C12orf42: variants seen among roughly 807,000 people sequenced by gnomAD.
C12orf42 encodes the protein chromosome 12 open reading frame 42.
C12orf42 carries 25 observed loss-of-function variants against 21.6 expected under a neutral mutation model. The ratio of observed to expected loss-of-function variants is 1.16; its 90% CI spans 0.84 to 1.62. The LOEUF (loss-of-function observed/expected upper bound fraction) is 1.62. Ranked by LOEUF, C12orf42 falls within the 40% of genes most tolerant of loss-of-function variation. The probability of loss-of-function intolerance (pLI) is 0.00; values close to 1 mark genes in which losing one functional copy is unlikely to be tolerated. For missense variants in C12orf42, 483 were observed against 459.3 expected (o/e 1.05, Z -0.47); for synonymous variants, 174 against 175.0 (o/e 0.99, Z 0.05).
chr12:103,167,880 G>A, the C12orf42 span, among the ~76,000 whole-genome samples: 10 of 43,880 alleles, frequency 2.3e-4, no homozygotes, highest in East Asian at 2.3e-3. Context: ...AGGGGTGGGC[G>A]TGTGTGTGTG....
At chr12:103,212,039 CTTA>C in the C12orf42 span, among the ~76,000 whole-genome samples, 1 of 152,162 alleles carries the variant, frequency 6.6e-6, no homozygotes, top group Middle Eastern at 3.4e-3. Flanking sequence ...AGTTGTAGCT[CTTA>C]TAATATTTGA....
chr12:103,225,035 A>G, the C12orf42 span, among the ~76,000 whole-genome samples: 3 of 152,180 alleles, frequency 2.0e-5, no homozygotes, highest in Admixed American at 1.3e-4. Flanking sequence ...GGGGCTGTCT[A>G]TGAAGCCTTG....
chr12:103,495,769 C>T (rs924120326), intron 1 of C12orf42, 133 bp downstream of exon 1: 2 of 152,498 alleles, frequency 1.3e-5, no homozygotes, highest in Non-Finnish European at 2.9e-5. Context: ...CCGCTTGCCT[C>T]CGCTCCTTGG....
intron 5 of C12orf42, among the ~76,000 whole-genome samples, chr12:103,305,056 G>T (rs978147404): frequency 7.2e-5 from 11 of 152,048 alleles, no homozygotes; most frequent in African/African-American, 2.7e-4. Context: ...GTCTTGTTTT[G>T]GGCCATAAAT....
chr12:103,287,822 CAG>C (rs951166260), intron 4 of C12orf42, among the ~76,000 whole-genome samples: 2 of 151,430 alleles, frequency 1.3e-5, no homozygotes, highest in Admixed American at 1.3e-4. Context: ...GAGAGAGAGA[CAG>C]AGAGAGAAAG....
chr12:103,116,087 C>T, the C12orf42 span, among the ~76,000 whole-genome samples: 3 of 152,044 alleles, frequency 2.0e-5, no homozygotes, highest in Non-Finnish European at 4.4e-5. Flanking sequence ...TGGGGCCGGG[C>T]GCAGTGGCTC....
chr12:103,264,105 C>CAT (rs2035044981), downstream of C12orf42, among the ~76,000 whole-genome samples: 1 of 152,034 alleles, frequency 6.6e-6, no homozygotes, highest in Non-Finnish European at 1.5e-5. Flanking sequence ...CTATCTTGGA[C>CAT]ATATATTTAC....
chr12:103,506,860 AT>A, the C12orf42 span, among the ~76,000 whole-genome samples: 2 of 71,932 alleles, frequency 2.8e-5, no homozygotes, highest in South Asian at 5.9e-4. Context: ...TTTATATATT[AT>A]ATATATATAT....
At chr12:103,179,947 G>A in the C12orf42 span, among the ~76,000 whole-genome samples, 4 of 152,132 alleles carry the variant, frequency 2.6e-5, no homozygotes, top group South Asian at 4.1e-4. Context: ...TTGACCAAGA[G>A]AGGGCCTCCA....
chr12:103,504,386 A>G, the C12orf42 span: 1 of 165,250 alleles, frequency 6.1e-6, no homozygotes, highest in East Asian at 1.9e-4. Context: ...ATTGAGGGCA[A>G]GTTCTCCCTG....
chr12:103,532,810 C>T, the C12orf42 span, among the ~76,000 whole-genome samples: 1 of 152,068 alleles, frequency 6.6e-6, no homozygotes, highest in Admixed American at 6.6e-5. Flanking sequence ...TGAGGATGAC[C>T]GCCGTAACCA....
At chr12:103,540,743 T>C in the C12orf42 span, among the ~76,000 whole-genome samples, 2 of 152,212 alleles carry the variant, frequency 1.3e-5, no homozygotes, top group Non-Finnish European at 2.9e-5. Flanking sequence ...ACAGTCTTTA[T>C]ATTTCAACTG....
At chr12:103,488,451 G>A (rs1954981285) in intron 1 of C12orf42, among the ~76,000 whole-genome samples, 2 of 152,114 alleles carry the variant, frequency 1.3e-5, no homozygotes, top group African/African-American at 4.8e-5. Flanking sequence ...TTCTTGCGGA[G>A]TATCTTTGTG....
chr12:103,067,844 C>T, the C12orf42 span, among the ~76,000 whole-genome samples: 1 of 152,094 alleles, frequency 6.6e-6, no homozygotes, highest in Non-Finnish European at 1.5e-5. Flanking sequence ...TGGTGATTGA[C>T]CCAGACTATC....
intron 5 of C12orf42, chr12:103,270,131 T>C (rs1013680402): frequency 6.6e-6 from 1 of 152,080 alleles, no homozygotes; most frequent in African/African-American, 2.4e-5. Context: ...TCAAATAGCA[T>C]TGGCAGCAAA....
the C12orf42 span, among the ~76,000 whole-genome samples, chr12:103,087,643 G>A: frequency 6.6e-6 from 1 of 151,320 alleles, no homozygotes; most frequent in Non-Finnish European, 1.5e-5. Flanking sequence ...ATTGTGCTAA[G>A]TGCTATACGA....
At chr12:103,402,625 C>T (rs913640311) in intron 2 of C12orf42, among the ~76,000 whole-genome samples, 14 of 152,066 alleles carry the variant, frequency 9.2e-5, no homozygotes, top group African/African-American at 3.4e-4. Context: ...AGGTAGTAAC[C>T]AAAGAATCAC....
the C12orf42 span, among the ~76,000 whole-genome samples, chr12:103,057,330 T>G: frequency 6.6e-6 from 1 of 152,144 alleles, no homozygotes; most frequent in Non-Finnish European, 1.5e-5. Context: ...TAGTTATTTG[T>G]CCTAATGCTC....
At chr12:103,238,786 C>T (rs142141414) in intron 10 of C12orf42, among the ~76,000 whole-genome samples, 320 of 152,278 alleles carry the variant, frequency 2.1e-3, no homozygotes, top group South Asian at 5.4e-3. Flanking sequence ...CAGGACTGAG[C>T]TCTGATTCCT....
Sources: allele counts gnomAD v4.1 joint callset (sites outside exome capture counted in the v4.1 genomes callset), GRCh38; gene constraint gnomAD v4.1.1; transcripts MANE v1.5; gene names NCBI Gene and HGNC (gene_info 2026-07-23, HGNC 2026-07-21).